Variants in UBL3 observed in about 807,000 individuals in gnomAD.
UBL3 encodes ubiquitin-like protein 3.
In UBL3, 6 loss-of-function variants were observed where a neutral mutation model predicts 18.4. The observed-to-expected ratio is 0.33, with a 90% CI of 0.18 to 0.64. The LOEUF is 0.64. UBL3 is among the 30% of genes least tolerant of loss of function. The pLI is 0.76. For synonymous variants in UBL3, 49 were observed against 46.6 expected (o/e 1.05, Z -0.21); for missense variants, 109 against 142.9 (o/e 0.76, Z 1.21).
At chr13:29,787,410 AG>A (rs1877350877) in intron 1 of UBL3, among the ~76,000 whole-genome samples, 1 of 152,208 alleles carries the variant, frequency 6.6e-6, no homozygotes, top group East Asian at 1.9e-4. Flanking sequence ...ATTTACTTTC[AG>A]TTTGGGAAAC....
chr13:29,831,829 AC>A (rs1878783348), intron 1 of UBL3, among the ~76,000 whole-genome samples: 1 of 152,188 alleles, frequency 6.6e-6, no homozygotes, highest in African/African-American at 2.4e-5. Flanking sequence ...AAACAAAAAA[AC>A]AAAAAAAGTC....
At chr13:29,841,596 A>T (rs991282461) in intron 1 of UBL3, among the ~76,000 whole-genome samples, 6 of 152,200 alleles carry the variant, frequency 3.9e-5, no homozygotes, top group African/African-American at 1.4e-4. Flanking sequence ...ATGCTAGCTC[A>T]GACCAATCAG....
At chr13:29,821,809 T>C (rs1878459263) in intron 1 of UBL3, among the ~76,000 whole-genome samples, 1 of 152,194 alleles carries the variant, frequency 6.6e-6, no homozygotes, top group Non-Finnish European at 1.5e-5. Context: ...ATACAAAATA[T>C]GAATTATCTG....
intron 1 of UBL3, among the ~76,000 whole-genome samples, chr13:29,780,516 T>C (rs945858784): frequency 7.3e-5 from 11 of 149,980 alleles, no homozygotes; most frequent in Non-Finnish European, 8.9e-5. Context: ...GGTGAGAAGG[T>C]TGACAAAAAA....
chr13:29,784,699 G>A (rs1220213278), intron 1 of UBL3, among the ~76,000 whole-genome samples: 1 of 152,166 alleles, frequency 6.6e-6, no homozygotes, highest in Non-Finnish European at 1.5e-5. Context: ...GCTGGAAGGG[G>A]AGACAGGAAG....
Position 29,835,107 on chromosome 13 carries a change from AATATATATATATATATAAATATATAT to A in UBL3, c.27+14379_27+14404del, listed in dbSNP as rs1190356749. ...AAATATAAATATATATATATATATA[AATATATATATATATATAAATATATAT>A]ATATATATATATATATATATATATA... On this transcript the variant is annotated intron_variant, in intron 1 of 4. Coordinates refer to ENST00000380680, the MANE Select transcript of UBL3 (RefSeq NM_007106.4). 1.0e-3 allele frequency among the ~76,000 whole-genome samples: 24 copies of A among 23,778 alleles called. 2 individuals are homozygous for A. The highest frequency in any genetic ancestry group is 4.6e-3 in the East Asian group (3 of 648). The allele number at this position is 23,778 out of a possible 152,430, so 15.6% of individuals were successfully genotyped here.
At chr13:29,836,149 T>C (rs1381970542) in intron 1 of UBL3, among the ~76,000 whole-genome samples, 2 of 152,108 alleles carry the variant, frequency 1.3e-5, no homozygotes, top group South Asian at 2.1e-4. Context: ...ATTCTAGATA[T>C]ACTTTGAAAG....
chr13:29,793,922 G>C (rs1468896487), intron 1 of UBL3, among the ~76,000 whole-genome samples: 1 of 152,104 alleles, frequency 6.6e-6, no homozygotes, highest in Non-Finnish European at 1.5e-5. Flanking sequence ...TTGGCTCACT[G>C]CAACCTCCAC....
At chr13:29,786,142 G>C (rs1487759068) in intron 1 of UBL3, among the ~76,000 whole-genome samples, 2 of 152,104 alleles carry the variant, frequency 1.3e-5, no homozygotes, top group Non-Finnish European at 2.9e-5. Context: ...TTTGAGCCCA[G>C]GTGCATCTGA....
chr13:29,814,924 T>C (rs1157019683), intron 1 of UBL3, among the ~76,000 whole-genome samples: 2 of 152,204 alleles, frequency 1.3e-5, no homozygotes, highest in Non-Finnish European at 2.9e-5. Flanking sequence ...TGTCTAATTA[T>C]TTCTAGAAAA....
At chr13:29,825,974 T>C (rs1040986072) in intron 1 of UBL3, among the ~76,000 whole-genome samples, 5 of 152,238 alleles carry the variant, frequency 3.3e-5, no homozygotes, top group African/African-American at 9.6e-5. Flanking sequence ...TTGTCTTTGG[T>C]TCTGTTTATA....
At chr13:29,847,609 A>T (rs1023719888) in intron 1 of UBL3, among the ~76,000 whole-genome samples, 7 of 152,208 alleles carry the variant, frequency 4.6e-5, no homozygotes, top group African/African-American at 1.7e-4. Context: ...CTGGACCTAA[A>T]GGAAGTAGCG....
At chr13:29,839,297 C>T (rs1353997528) in intron 1 of UBL3, among the ~76,000 whole-genome samples, 7 of 152,112 alleles carry the variant, frequency 4.6e-5, no homozygotes, top group African/African-American at 1.7e-4. Context: ...CAGACCACAA[C>T]AGACACCAAA....
intron 1 of UBL3, among the ~76,000 whole-genome samples, chr13:29,830,553 T>C (rs1367338116): frequency 6.6e-6 from 1 of 152,222 alleles, no homozygotes; most frequent in Middle Eastern, 3.4e-3. Flanking sequence ...AGAAACAACA[T>C]CTCTTCGCAA....
At chr13:29,841,926 A>G (rs1027222840) in intron 1 of UBL3, among the ~76,000 whole-genome samples, 5 of 152,146 alleles carry the variant, frequency 3.3e-5, no homozygotes, top group African/African-American at 1.2e-4. Context: ...CAGCTCCAAA[A>G]TGACCAACAA....
intron 1 of UBL3, among the ~76,000 whole-genome samples, chr13:29,788,870 T>TGTGTGCGCGC (rs1180662351): frequency 4.3e-4 from 9 of 20,876 alleles, no homozygotes; most frequent in Admixed American, 2.6e-3. Context: ...TGTGTGTGTG[T>TGTGTGCGCGC]GCGCGCGCGC....
At position 29,849,661 on chromosome 13, in the gene UBL3, A is replaced by G; in HGVS notation, c.-123T>C. The G allele has an allele frequency of 7.6e-7, 1 of 1,309,062 alleles. No homozygotes were observed. Among genetic ancestry groups the G allele is most frequent in the Non-Finnish European group, 1.1e-6 (1 of 931,934 alleles). The allele number at this position is 1,309,062 out of a possible 1,614,324, so 81.1% of individuals were successfully genotyped here. ...TGGTTCGTGATGTGCTTTCTCCCCC[A>G]AAAATAAAGTTATTTTGGAGCCAAA... On this transcript the variant is annotated 5_prime_UTR_variant, in exon 1 of 5. Transcript: ENST00000380680.
chr13:29,767,699 T>C lies in UBL3; in HGVS notation c.224-4A>G, dbSNP rs372739556. 4.6e-4 allele frequency: 748 copies of C among 1,612,040 alleles called. No individual in the cohort carries two copies. Among genetic ancestry groups the C allele is most frequent in the Admixed American group, 6.2e-4 (37 of 59,810 alleles). On this transcript the variant is annotated splice_region_variant and splice_polypyrimidine_tract_variant and intron_variant, in intron 3 of 4. Coordinates refer to ENST00000380680, the MANE Select transcript of UBL3 (RefSeq NM_007106.4). The stretch of plus-strand genomic sequence containing the variant: ...TTGCCAAAAGGAAGTTTTAATGCTA[T>C]GTGAAAAGCAAAAGATGATTAGTTA...
At chr13:29,823,844 C>T (rs1343817322) in intron 1 of UBL3, among the ~76,000 whole-genome samples, 2 of 150,844 alleles carry the variant, frequency 1.3e-5, no homozygotes, top group East Asian at 1.9e-4. Flanking sequence ...TCTCCTAATG[C>T]TATCCCTCCC....
Sources: gnomAD v4.1 joint callset for allele counts (sites outside exome capture counted in the v4.1 genomes callset) on GRCh38, gnomAD v4.1.1 for gene constraint, MANE v1.5 for transcripts, NCBI Gene and HGNC (gene_info 2026-07-23, HGNC 2026-07-21) for gene names.